The following CACNA2D3 variants were observed in gnomAD, a reference collection of about 807,000 sequenced individuals.
CACNA2D3 encodes calcium voltage-gated channel auxiliary subunit alpha2delta 3, also known as voltage-dependent calcium channel subunit alpha-2/delta-3.
CACNA2D3 carries 60 observed loss-of-function variants against 160.6 expected under a neutral mutation model. That is an observed-to-expected ratio of 0.37 (90% CI 0.30 to 0.46). The LOEUF (loss-of-function observed/expected upper bound fraction) is 0.46, where lower values mean the gene tolerates loss of function less well. Among genes scored for constraint, CACNA2D3 ranks in the 20% least tolerant of loss-of-function variants. The pLI is 1.00. For missense variants in CACNA2D3, 1,205 were observed against 1,365.0 expected (o/e 0.88, Z 1.85); for synonymous variants, 558 against 492.9 (o/e 1.13, Z -1.75).
At chr3:54,345,706 T>C (rs6784395) in intron 3 of CACNA2D3, among the ~76,000 whole-genome samples, 71,306 of 151,982 alleles carry the variant, frequency 0.47, 20,140 homozygotes, top group African/African-American at 0.79. Context: ...GCGACTACCT[T>C]CTGTCACTCC....
intron 35 of CACNA2D3, among the ~76,000 whole-genome samples, chr3:55,043,903 C>T (rs756029416): frequency 2.0e-5 from 3 of 152,094 alleles, no homozygotes; most frequent in Non-Finnish European, 4.4e-5. Context: ...TGCCTTTGAA[C>T]CTTTGTTGAA....
rs559163994 is a variant in CACNA2D3 at position 54,651,329 on chromosome 3, A to G, written c.1167+9088A>G. On this transcript the variant is annotated intron_variant, in intron 11 of 37. Transcript: ENST00000474759. ...CTCAGGATGAGGCTCTCTAGATGTG[A>G]TTAAATGATTTTCCTCTTCTAAAAG... Among the ~76,000 whole-genome samples the G allele has an allele frequency of 5.9e-5, 9 of 151,840 alleles. No homozygotes were observed. In the East Asian group the frequency reaches 1.8e-3, roughly 30 times the overall value.
At chr3:54,530,764 C>T (rs1244018495) in intron 5 of CACNA2D3, among the ~76,000 whole-genome samples, 2 of 152,100 alleles carry the variant, frequency 1.3e-5, no homozygotes, top group East Asian at 3.9e-4. Context: ...ACAGCCCATT[C>T]GTATGCTCAA....
chr3:55,019,426 A>G (rs1230097304), intron 35 of CACNA2D3, among the ~76,000 whole-genome samples: 1 of 152,100 alleles, frequency 6.6e-6, no homozygotes, highest in East Asian at 1.9e-4. Context: ...TTTATAATAA[A>G]CTAAGTATAT....
intron 9 of CACNA2D3, among the ~76,000 whole-genome samples, chr3:54,592,982 G>T: frequency 6.6e-6 from 1 of 152,196 alleles, no homozygotes; most frequent in East Asian, 1.9e-4. Context: ...TGATACTGGG[G>T]TGAGGGGTAT....
chr3:55,031,945 G>A (rs1703698296), intron 35 of CACNA2D3, among the ~76,000 whole-genome samples: 1 of 152,156 alleles, frequency 6.6e-6, no homozygotes, highest in Non-Finnish European at 1.5e-5. Flanking sequence ...TATTTCACGA[G>A]TGATTCCATT....
intron 9 of CACNA2D3, among the ~76,000 whole-genome samples, chr3:54,611,513 C>G (rs1698748509): frequency 6.6e-6 from 1 of 152,146 alleles, no homozygotes; most frequent in African/African-American, 2.4e-5. Context: ...ATTGATTCAG[C>G]AGTGGAATCA....
At position 54,256,719 on chromosome 3, in the gene CACNA2D3, C is replaced by T. The variant is rs117741960; in HGVS notation, c.205-63723C>T. On this transcript the variant is annotated intron_variant, in intron 2 of 37. Coordinates refer to ENST00000474759, the MANE Select transcript of CACNA2D3 (RefSeq NM_018398.3). ...CAACATCGAAATAAAGCATGTTCTT[C>T]TCTTGTCAAGACCACTGTAAGGAGT... 3.1e-3 allele frequency among the ~76,000 whole-genome samples: 431 copies of T among 140,818 alleles called. 10 individuals are homozygous for T. The East Asian group carries it at 0.052, about 17-fold the overall frequency. 92.4% of individuals were successfully genotyped at this position (140,818 alleles called of 152,430 possible).
intron 2 of CACNA2D3, among the ~76,000 whole-genome samples, chr3:54,156,290 A>G (rs1004531349): frequency 6.6e-6 from 1 of 152,188 alleles, no homozygotes; most frequent in African/African-American, 2.4e-5. Flanking sequence ...CTGGAATGTC[A>G]TTTTCTAGGG....
chr3:54,904,838 G>A (rs1700417865), intron 27 of CACNA2D3, among the ~76,000 whole-genome samples: 2 of 152,138 alleles, frequency 1.3e-5, no homozygotes, highest in South Asian at 4.1e-4. Context: ...TAATCACTCA[G>A]TAGCTAAAAC....
At chr3:54,786,179 C>T (rs760666938) in intron 13 of CACNA2D3, among the ~76,000 whole-genome samples, 3 of 152,180 alleles carry the variant, frequency 2.0e-5, no homozygotes, top group Admixed American at 6.5e-5. Flanking sequence ...ATTATTATTA[C>T]GTATTGCTTG....
chr3:54,809,202 T>G (rs1238093368), intron 13 of CACNA2D3, among the ~76,000 whole-genome samples: 1 of 151,520 alleles, frequency 6.6e-6, no homozygotes, highest in Non-Finnish European at 1.5e-5. Flanking sequence ...TTCTTTCTTC[T>G]CCTTCCTTTC....
intron 4 of CACNA2D3, among the ~76,000 whole-genome samples, chr3:54,417,891 A>G (rs564832417): frequency 6.6e-6 from 1 of 151,942 alleles, no homozygotes; most frequent in African/African-American, 2.4e-5. Context: ...GGCTCAGGTG[A>G]TCCTCCCATC....
chr3:54,469,424 G>T (rs1700688985), intron 4 of CACNA2D3, among the ~76,000 whole-genome samples: 1 of 152,124 alleles, frequency 6.6e-6, no homozygotes, highest in South Asian at 2.1e-4. Context: ...CCGAATGTCT[G>T]TCACCAGCAT....
chr3:54,632,613 G>A (rs1313272353), intron 10 of CACNA2D3: 1 of 152,210 alleles, frequency 6.6e-6, no homozygotes, highest in Non-Finnish European at 1.5e-5. Context: ...TGAGACTTAA[G>A]TTTGGTTGAA....
At chr3:54,841,416 G>A (rs572324273) in intron 16 of CACNA2D3, among the ~76,000 whole-genome samples, 10 of 152,288 alleles carry the variant, frequency 6.6e-5, no homozygotes, top group African/African-American at 2.2e-4. Context: ...GGTCAAGCTG[G>A]GAACCATTGA....
chr3:54,376,787 C>A lies in CACNA2D3; in HGVS notation c.322-9928C>A, dbSNP rs528151272. On this transcript the variant is annotated intron_variant, in intron 3 of 37. Coordinates refer to ENST00000474759, the MANE Select transcript of CACNA2D3 (RefSeq NM_018398.3). ...AGAGGTATTATAAAGTTGCTGGAGT[C>A]AGGATTTGAATTCAGGTTGTTGGAC... Among the ~76,000 whole-genome samples the A allele has an allele frequency of 1.2e-4, 19 of 152,260 alleles. No individual in the cohort carries two copies. The Middle Eastern group carries it at 0.014, about 109-fold the overall frequency.
At chr3:54,618,627 C>T (rs926667591) in intron 9 of CACNA2D3, among the ~76,000 whole-genome samples, 1 of 152,118 alleles carries the variant, frequency 6.6e-6, no homozygotes. Flanking sequence ...GGTCACATTT[C>T]TTTGCTGAGC....
intron 3 of CACNA2D3, among the ~76,000 whole-genome samples, chr3:54,373,381 T>C (rs1342501621): frequency 2.6e-5 from 4 of 152,192 alleles, no homozygotes; most frequent in South Asian, 2.1e-4. Flanking sequence ...TCAGGTCATT[T>C]GGATTTTGTT....
Sources: allele counts gnomAD v4.1 joint callset (sites outside exome capture counted in the v4.1 genomes callset), GRCh38; gene constraint gnomAD v4.1.1; transcripts MANE v1.5; gene names NCBI Gene and HGNC (gene_info 2026-07-23, HGNC 2026-07-21).